The following TEAD1 variants were observed in gnomAD, a reference collection of about 807,000 sequenced individuals.
TEAD1 encodes the protein transcriptional enhancer factor TEF-1.
In TEAD1, 9 loss-of-function variants were observed where a neutral mutation model predicts 54.9. The ratio of observed to expected loss-of-function variants is 0.16; its 90% CI spans 0.10 to 0.29. The LOEUF is 0.29. Among genes scored for constraint, TEAD1 ranks in the 10% least tolerant of loss-of-function variants. TEAD1 has a pLI of 1.00. For missense variants in TEAD1, 387 were observed against 535.9 expected (o/e 0.72, Z 2.74); for synonymous variants, 200 against 187.8 (o/e 1.07, Z -0.53).
chr11:12,944,263 T>C lies in TEAD1; in HGVS notation c.*7041T>C, dbSNP rs147164524. On this transcript the variant is annotated 3_prime_UTR_variant, in exon 13 of 13. Transcript: ENST00000527636. ...GTGGGCGTGGGCAAATTCTCACACATGTTTTCTTAACCTATTTGCAGAAAC... is the reference window on the plus strand; with the variant it reads ...GTGGGCGTGGGCAAATTCTCACACACGTTTTCTTAACCTATTTGCAGAAAC... 3.8e-3 allele frequency: 574 copies of C among 152,574 alleles called. 2 individuals carry two copies. The highest frequency in any genetic ancestry group is 0.01 in the Middle Eastern group (3 of 294). 9.5% of individuals were successfully genotyped at this position (152,574 alleles called of 1,614,324 possible).
chr11:12,825,002 T>TAATTTA (rs1166050551), intron 3 of TEAD1, among the ~76,000 whole-genome samples: 1 of 152,234 alleles, frequency 6.6e-6, no homozygotes, highest in Non-Finnish European at 1.5e-5. Context: ...ATTCTGTTCT[T>TAATTTA]AATTTAAAAC....
chr11:12,872,819 A>G (rs529765851), intron 5 of TEAD1, among the ~76,000 whole-genome samples: 2 of 152,356 alleles, frequency 1.3e-5, no homozygotes, highest in South Asian at 4.1e-4. Context: ...GGTCCCGAGC[A>G]GAATCCAGCT....
intron 2 of TEAD1, among the ~76,000 whole-genome samples, chr11:12,695,835 T>A (rs542987224): frequency 2.6e-5 from 4 of 152,356 alleles, no homozygotes; most frequent in African/African-American, 9.6e-5. Flanking sequence ...TTGTGTGTTG[T>A]GTGAGTTTCT....
intron 2 of TEAD1, among the ~76,000 whole-genome samples, chr11:12,746,263 T>C (rs1944743944): frequency 6.6e-6 from 1 of 152,206 alleles, no homozygotes; most frequent in African/African-American, 2.4e-5. Flanking sequence ...ATTAGCCTTT[T>C]CCCTCCCCTT....
At chr11:12,756,088 G>A (rs973533625) in intron 2 of TEAD1, among the ~76,000 whole-genome samples, 1 of 152,190 alleles carries the variant, frequency 6.6e-6, no homozygotes, top group South Asian at 2.1e-4. Flanking sequence ...ATTAATCAGG[G>A]ATTCTCAGGA....
intron 2 of TEAD1, among the ~76,000 whole-genome samples, chr11:12,683,829 G>A (rs1245348758): frequency 6.6e-6 from 1 of 152,068 alleles, no homozygotes; most frequent in Non-Finnish European, 1.5e-5. Context: ...TTTGGAAAAA[G>A]GATAATGTGG....
chr11:12,753,599 G>GGTT lies in TEAD1; in HGVS notation c.-54-10577_-54-10575dup, dbSNP rs112607957. On this transcript the variant is annotated intron_variant, in intron 2 of 12. Transcript: ENST00000527636. ...TAGCTTTTTACTTTTTTTTCTATTG[G>GGTT]GTTGTCTGATTTCTTATTGTTTGGA... is the stretch of plus-strand genomic sequence containing the variant. Among the ~76,000 whole-genome samples, 497 of 152,048 alleles carry GGTT rather than the reference G, an allele frequency of 3.3e-3. 5 individuals are homozygous for GGTT. Among genetic ancestry groups the GGTT allele is most frequent in the African/African-American group, 0.011 (456 of 41,496 alleles).
chr11:12,895,837 C>A (rs910105793), intron 9 of TEAD1, among the ~76,000 whole-genome samples: 5 of 152,188 alleles, frequency 3.3e-5, no homozygotes, highest in African/African-American at 1.2e-4. Flanking sequence ...AAATAACATG[C>A]TTATATTGTA....
intron 3 of TEAD1, among the ~76,000 whole-genome samples, chr11:12,790,182 G>A (rs1359856545): frequency 1.3e-5 from 2 of 152,214 alleles, no homozygotes; most frequent in Non-Finnish European, 2.9e-5. Flanking sequence ...GCTACCTACA[G>A]TGCCTGCTAC....
At chr11:12,817,455 AC>A (rs534346554) in intron 3 of TEAD1, among the ~76,000 whole-genome samples, 44 of 152,244 alleles carry the variant, frequency 2.9e-4, no homozygotes, top group African/African-American at 8.9e-4. Context: ...CCAGATGTAA[AC>A]ATTTTCCCTT....
intron 2 of TEAD1, among the ~76,000 whole-genome samples, chr11:12,683,702 G>A (rs957515411): frequency 6.6e-6 from 1 of 152,118 alleles, no homozygotes; most frequent in African/African-American, 2.4e-5. Context: ...ATATCGATAC[G>A]GTTTGTTGCC....
chr11:12,888,409 T>C (rs907289895), intron 9 of TEAD1, among the ~76,000 whole-genome samples: 3 of 152,156 alleles, frequency 2.0e-5, no homozygotes, highest in Admixed American at 2.0e-4. Context: ...CTCGGGAGAC[T>C]GAGGCAGGAG....
chr11:12,745,114 G>A (rs1397870877), intron 2 of TEAD1, among the ~76,000 whole-genome samples: 1 of 152,186 alleles, frequency 6.6e-6, no homozygotes, highest in African/African-American at 2.4e-5. Context: ...AAGATGAGTC[G>A]AGTCTACGGT....
Position 12,930,208 on chromosome 11 carries a change from T to A in TEAD1, c.1049T>A (p.Val350Glu). 6.2e-7 allele frequency: 1 copy of A among 1,614,270 alleles called. No homozygotes were observed. Among genetic ancestry groups the A allele is most frequent in the Non-Finnish European group, 8.5e-7 (1 of 1,180,040 alleles). ...GCAAGGTTTGAGAATGGCCGATTTG[T>A]ATACCGAATAAACCGCTCCCCAATG... Residue 350 changes from valine (V) to glutamate (E), a missense_variant, in exon 12 of 13, where the codon GTA (valine) becomes GAA (glutamate). Physicochemically the swap from Val to Glu is moderately radical, Grantham distance 121. Transcript: ENST00000527636.
intron 3 of TEAD1, among the ~76,000 whole-genome samples, chr11:12,835,440 G>A (rs892354842): frequency 1.3e-5 from 2 of 151,930 alleles, no homozygotes; most frequent in African/African-American, 4.8e-5. Flanking sequence ...CTCCCAAGTA[G>A]GTGGAATTAT....
intron 3 of TEAD1, chr11:12,851,138 A>T: frequency 3.1e-6 from 3 of 955,644 alleles, no homozygotes; most frequent in Non-Finnish European, 3.7e-6. Flanking sequence ...CACGGAAAGA[A>T]AAAAACTATT....
intron 9 of TEAD1, among the ~76,000 whole-genome samples, chr11:12,887,381 C>A (rs1199322202): frequency 6.6e-6 from 1 of 152,152 alleles, no homozygotes; most frequent in African/African-American, 2.4e-5. Flanking sequence ...AGGCGTGAAC[C>A]ACCGTGCCCG....
intron 2 of TEAD1, among the ~76,000 whole-genome samples, chr11:12,736,489 A>G (rs1017263989): frequency 6.6e-6 from 1 of 152,230 alleles, no homozygotes; most frequent in African/African-American, 2.4e-5. Context: ...GTGGGATACA[A>G]ATAATCACCT....
At chr11:12,718,197 T>C (rs1454456179) in intron 2 of TEAD1, among the ~76,000 whole-genome samples, 1 of 152,180 alleles carries the variant, frequency 6.6e-6, no homozygotes, top group Non-Finnish European at 1.5e-5. Context: ...CCCCAGGCAT[T>C]CTTTGTGAGT....
Sources: gnomAD v4.1 joint callset for allele counts (sites outside exome capture counted in the v4.1 genomes callset) on GRCh38, gnomAD v4.1.1 for gene constraint, MANE v1.5 for transcripts, NCBI Gene and HGNC (gene_info 2026-07-23, HGNC 2026-07-21) for gene names.